Variants in COX19 observed in about 807,000 individuals in gnomAD.
The protein encoded by COX19 is cytochrome c oxidase assembly protein COX19.
COX19 carries 8 observed loss-of-function variants against 6.8 expected under a neutral mutation model. The ratio of observed to expected loss-of-function variants is 1.18; its 90% CI spans 0.69 to 2.12. COX19 has a LOEUF of 2.12. Ranked by LOEUF, COX19 falls within the 30% of genes most tolerant of loss-of-function variation. The pLI is 0.00. For missense variants in COX19, 131 were observed against 104.6 expected (o/e 1.25, Z -1.10); for synonymous variants, 51 against 38.0 (o/e 1.34, Z -1.26).
In COX19 at chr7:967,111, G is replaced by C. The variant is rs950695258; in HGVS notation, c.*2267C>G. ...AGATGCCGAGGTTGCTAAGATCTCC[G>C]GTAAGAACACAGTGCCCATCTGTGA... On this transcript the variant is annotated 3_prime_UTR_variant, in exon 3 of 3. Coordinates refer to ENST00000344111, the MANE Select transcript of COX19 (RefSeq NM_001031617.3). 2 of 152,186 alleles carry C rather than the reference G, an allele frequency of 1.3e-5. No individual in the cohort carries two copies. The highest frequency in any genetic ancestry group is 4.8e-5 in the African/African-American group (2 of 41,442). The allele number at this position is 152,186 out of a possible 1,614,324, so 9.4% of individuals were successfully genotyped here. A position where few individuals can be genotyped will look rare whatever the true frequency, so the allele number is the denominator to read the frequency against.
Position 975,432 on chromosome 7 carries a change from G to A in COX19, c.78C>T (p.His26=), listed in dbSNP as rs1847692150. Residue 26 remains histidine, a synonymous_variant, in exon 1 of 3, where the codon CAC becomes CAT. Coordinates refer to ENST00000344111, the MANE Select transcript of COX19 (RefSeq NM_001031617.3). ...CGCCGACCTTCCGCCGCTCACCTAAGTGATCCAGCGGGAAGCTGCCCTTGT... is the reference window on the plus strand; with the variant it reads ...CGCCGACCTTCCGCCGCTCACCTAAATGATCCAGCGGGAAGCTGCCCTTGT... ...PPDKGSFPLD[H]LGECKSFKEK... The A allele has an allele frequency of 6.3e-7, 1 of 1,594,144 alleles. No homozygotes were observed. Among genetic ancestry groups the A allele is most frequent in the Non-Finnish European group, 8.5e-7 (1 of 1,172,364 alleles).
At chr7:973,008 G>T in intron 2 of COX19, 173 bp downstream of exon 2, 1 of 396,770 alleles carries the variant, frequency 2.5e-6, no homozygotes, top group Non-Finnish European at 4.5e-6. Flanking sequence ...AACAGCTTTT[G>T]GTACAATTTC....
At chr7:974,029 A>C (rs1482574374) in intron 1 of COX19, among the ~76,000 whole-genome samples, 3 of 151,362 alleles carry the variant, frequency 2.0e-5, no homozygotes, top group Non-Finnish European at 4.4e-5. Context: ...TAAAATAAAA[A>C]ATAAAAAAAC....
chr7:969,579 G>C (rs756525681), intron 2 of COX19, 123 bp from the exon 3 acceptor site: 23 of 718,100 alleles, frequency 3.2e-5, no homozygotes, highest in Admixed American at 6.7e-5. Context: ...TCCTGGGAGA[G>C]TGGCCCCTCG....
At chr7:973,313 G>C (rs1847660525) in intron 1 of COX19, 21 bp from the exon 2 acceptor site, 1 of 1,562,718 alleles carries the variant, frequency 6.4e-7, no homozygotes, top group African/African-American at 1.4e-5. Flanking sequence ...AAAGAAAACA[G>C]CATGTTCTTT....
In COX19 at chr7:965,971, G is replaced by C. The variant is rs1847547391; in HGVS notation, c.*3407C>G. 1 of 152,166 alleles carries C rather than the reference G, an allele frequency of 6.6e-6. No individual in the cohort carries two copies. The highest frequency in any genetic ancestry group is 1.5e-5 in the Non-Finnish European group (1 of 68,034). 9.4% of individuals were successfully genotyped at this position (152,166 alleles called of 1,614,324 possible). On this transcript the variant is annotated 3_prime_UTR_variant, in exon 3 of 3. Transcript: ENST00000344111. ...GGGTTGTAATCTGCACCTGTCACCA[G>C]TGTGGTTTCTGCAACAGCAGTTTCC...
In COX19 at chr7:969,083, C is replaced by T. The variant is rs553405739; in HGVS notation, c.*295G>A. On this transcript the variant is annotated 3_prime_UTR_variant, in exon 3 of 3. Transcript: ENST00000344111. ...AGTATCAGAGGACTGCAACATAAAA[C>T]CGCCCCATACAAGAGGGCCCCGGCC... 1.2e-5 allele frequency: 4 copies of T among 333,370 alleles called. No homozygotes were observed. Among genetic ancestry groups the T allele is most frequent in the African/African-American group, 6.4e-5 (3 of 46,970 alleles). The allele number at this position is 333,370 out of a possible 1,614,324, so 20.7% of individuals were successfully genotyped here. A position where few individuals can be genotyped will look rare whatever the true frequency, so the allele number is the denominator to read the frequency against.
intron 2 of COX19, among the ~76,000 whole-genome samples, chr7:969,773 G>A (rs548178901): frequency 1.3e-5 from 2 of 152,254 alleles, no homozygotes; most frequent in African/African-American, 2.4e-5. Context: ...AGATGTATCT[G>A]GACAACAGCT....
chr7:969,485 C>T (rs767704596), intron 2 of COX19, 29 bp from the exon 3 acceptor site: 31 of 1,478,546 alleles, frequency 2.1e-5, no homozygotes, highest in South Asian at 3.4e-5. Flanking sequence ...GCTGTCAGGG[C>T]GGGAGGTGCA....
intron 2 of COX19, among the ~76,000 whole-genome samples, chr7:970,300 A>C (rs1760775027): frequency 6.6e-6 from 1 of 151,608 alleles, no homozygotes; most frequent in South Asian, 2.1e-4. Context: ...ACGCCCGGCT[A>C]ATTCTTGTAG....
intron 2 of COX19, among the ~76,000 whole-genome samples, chr7:971,731 C>T (rs867736462): frequency 3.9e-5 from 6 of 152,094 alleles, no homozygotes; most frequent in African/African-American, 1.4e-4. Flanking sequence ...ATTAGCCGGG[C>T]AAGGTGGCAG....
intron 1 of COX19, among the ~76,000 whole-genome samples, chr7:974,550 T>C (rs1395230622): frequency 6.6e-6 from 1 of 152,214 alleles, no homozygotes. Flanking sequence ...ATGTAGGTGA[T>C]GGTCACAGGA....
rs1241353604 is a variant in COX19 at position 966,451 on chromosome 7, G to C, written c.*2927C>G. ...TTGCAGGCGTGAGCCGCTGCGCCCAGCCTGTTTATTTTCACGCTCACACTG... is the reference window on the plus strand; with the variant it reads ...TTGCAGGCGTGAGCCGCTGCGCCCACCCTGTTTATTTTCACGCTCACACTG... On this transcript the variant is annotated 3_prime_UTR_variant, in exon 3 of 3. Transcript: ENST00000344111. The C allele has an allele frequency of 6.6e-6, 1 of 152,316 alleles. No homozygotes were observed. Among genetic ancestry groups the C allele is most frequent in the East Asian group, 1.9e-4 (1 of 5,200 alleles). The allele number at this position is 152,316 out of a possible 1,614,324, so 9.4% of individuals were successfully genotyped here. A position where few individuals can be genotyped will look rare whatever the true frequency, so the allele number is the denominator to read the frequency against.
Position 966,957 on chromosome 7 carries a change from T to C in COX19, c.*2421A>G, listed in dbSNP as rs1255845655. The C allele has an allele frequency of 1.3e-5, 2 of 152,144 alleles. No individual in the cohort carries two copies. The highest frequency in any genetic ancestry group is 2.9e-5 in the Non-Finnish European group (2 of 68,028). 9.4% of individuals were successfully genotyped at this position (152,144 alleles called of 1,614,324 possible). On this transcript the variant is annotated 3_prime_UTR_variant, in exon 3 of 3. Transcript: ENST00000344111. ...TGTGGTGCTTGGGTCCAAGAAGCTT[T>C]TATTTTACTTAAGAATGGCCCCAGA...
chr7:975,245 C>T, intron 1 of COX19, 183 bp downstream of exon 1: 2 of 474,718 alleles, frequency 4.2e-6, no homozygotes, highest in Non-Finnish European at 7.5e-6. Context: ...CCTGCCAGCT[C>T]CCACCTGCAG....
At chr7:975,137 G>A in intron 1 of COX19, 1 of 373,300 alleles carries the variant, frequency 2.7e-6, no homozygotes, top group Non-Finnish European at 4.8e-6. Flanking sequence ...GCAAACCCGG[G>A]GCACAGACAG....
At chr7:973,693 C>T (rs916325564) in intron 1 of COX19, among the ~76,000 whole-genome samples, 2 of 149,432 alleles carry the variant, frequency 1.3e-5, no homozygotes, top group Admixed American at 6.7e-5. Flanking sequence ...AGGCTGGGCA[C>T]GGTGGCTCAC....
intron 1 of COX19, chr7:975,037 G>C (rs887605478): frequency 4.4e-5 from 8 of 181,136 alleles, no homozygotes; most frequent in African/African-American, 1.2e-4. Context: ...GAGATCAGCA[G>C]CACTTTTGAG....
At position 967,058 on chromosome 7, in the gene COX19, A is replaced by T. The variant is rs781543969; in HGVS notation, c.*2320T>A. ...GCGCTTCCTTTAAGGGAAAAGGTGG[A>T]AACTCCTGACCTATAAGAAAAACAG... On this transcript the variant is annotated 3_prime_UTR_variant, in exon 3 of 3. Coordinates refer to ENST00000344111, the MANE Select transcript of COX19 (RefSeq NM_001031617.3). 3 of 152,258 alleles carry T rather than the reference A, an allele frequency of 2.0e-5. No individual in the cohort carries two copies. The highest frequency in any genetic ancestry group is 7.2e-5 in the African/African-American group (3 of 41,468). 9.4% of individuals were successfully genotyped at this position (152,258 alleles called of 1,614,324 possible).
Sources: allele counts gnomAD v4.1 joint callset (sites outside exome capture counted in the v4.1 genomes callset), GRCh38; gene constraint gnomAD v4.1.1; transcripts MANE v1.5; gene names NCBI Gene and HGNC (gene_info 2026-07-23, HGNC 2026-07-21).